The following NUP210 variants were observed in gnomAD, a reference collection of about 807,000 sequenced individuals.
NUP210 encodes the protein nucleoporin 210.
NUP210 carries 151 observed loss-of-function variants against 196.0 expected under a neutral mutation model. That is an observed-to-expected ratio of 0.77 (90% confidence interval 0.67 to 0.88). The LOEUF (loss-of-function observed/expected upper bound fraction) is 0.88. Among genes scored for constraint, NUP210 ranks in the 40% least tolerant of loss-of-function variants. The probability of loss-of-function intolerance (pLI) is 0.00; values close to 1 mark genes in which losing one functional copy is unlikely to be tolerated. For synonymous variants in NUP210, 1,070 were observed against 1,052.7 expected, an observed-to-expected ratio of 1.02 and a Z score of -0.32; for missense variants, 2,314 against 2,493.7, an observed-to-expected ratio of 0.93 and a Z score of 1.53.
At chr3:13,349,549 C>T (rs1697894166) in intron 20 of NUP210, among the ~76,000 whole-genome samples, 1 of 152,216 alleles carries the variant, frequency 6.6e-6, no homozygotes, top group Non-Finnish European at 1.5e-5. Flanking sequence ...ACTGGAGCTG[C>T]TGCCCCACTC....
At position 13,316,671 on chromosome 3, in the gene NUP210, T is replaced by G. The variant is rs1048637; in HGVS notation, c.*1010A>C. ...TTGGCCCAGGCCGGGCTCTAGGGCCTGCTGGGAAGCTGTCTGGGGCCCTGC... is the reference window on the plus strand; with the variant it reads ...TTGGCCCAGGCCGGGCTCTAGGGCCGGCTGGGAAGCTGTCTGGGGCCCTGC... On this transcript the variant is annotated 3_prime_UTR_variant, in exon 40 of 40. Coordinates refer to ENST00000254508, the MANE Select transcript of NUP210 (RefSeq NM_024923.4). The G allele has an allele frequency of 0.41, 62,161 of 152,242 alleles. 14,157 individuals carry two copies. The highest frequency in any genetic ancestry group is 0.66 in the East Asian group (3,421 of 5,160). The allele number at this position is 152,242 out of a possible 1,614,324, so 9.4% of individuals were successfully genotyped here.
intron 32 of NUP210, 25 bp from the exon 33 acceptor site, chr3:13,325,956 C>T: frequency 6.2e-7 from 1 of 1,612,210 alleles, no homozygotes; most frequent in Non-Finnish European, 8.5e-7. Context: ...CAGGTGTCAG[C>T]CCCCTTTCCA....
At chr3:13,360,242 G>A in intron 15 of NUP210, 28 bp downstream of exon 15, 8 of 1,584,416 alleles carry the variant, frequency 5.0e-6, no homozygotes, top group Non-Finnish European at 6.9e-6. Flanking sequence ...CTTAGGGCAA[G>A]GAGGGTCTGG....
rs769997288 is a variant in NUP210 at position 13,321,760 on chromosome 3, G to A, written c.4991C>T (p.Ala1664Val). ...QRKHLSMKKT[A>V]LVVSASLSSS... ...GGAGAGGGAGGCACTGACCACCAGA[G>A]CTGTCTTCTTCATGCTCAGGTGCTT... The change falls in exon 36 of 40, where the codon GCT (alanine) becomes GTT (valine). Residue 1664 changes from alanine to valine, a missense_variant. Physicochemically the swap from Ala to Val is moderately conservative, Grantham distance 64. Coordinates refer to ENST00000254508, the MANE Select transcript of NUP210 (RefSeq NM_024923.4). The A allele has an allele frequency of 8.7e-6, 14 of 1,613,294 alleles. No homozygotes were observed. The highest frequency in any genetic ancestry group is 1.2e-5 in the Non-Finnish European group (14 of 1,180,032).
chr3:13,367,218 C>T (rs1698569595), intron 13 of NUP210, among the ~76,000 whole-genome samples: 1 of 152,106 alleles, frequency 6.6e-6, no homozygotes, highest in Admixed American at 6.5e-5. Flanking sequence ...GGGAGGATCA[C>T]CTGAGGTCGG....
chr3:13,354,299 C>T, intron 16 of NUP210, 192 bp from the exon 17 acceptor site: 1 of 590,106 alleles, frequency 1.7e-6, no homozygotes. Context: ...TCCAAGCTGG[C>T]CTCTGGCTCC....
chr3:13,354,275 C>T (rs1008941125), intron 16 of NUP210, 168 bp from the exon 17 acceptor site: 6 of 620,944 alleles, frequency 9.7e-6, no homozygotes, highest in African/African-American at 7.4e-5. Flanking sequence ...CCACCAGGTC[C>T]CCCCATGGCC....
At chr3:13,358,902 T>A (rs1366471048) in intron 15 of NUP210, among the ~76,000 whole-genome samples, 1 of 152,194 alleles carries the variant, frequency 6.6e-6, no homozygotes, top group Non-Finnish European at 1.5e-5. Flanking sequence ...CGCCTGCTCA[T>A]GCTCTGCAGC....
intron 20 of NUP210, among the ~76,000 whole-genome samples, chr3:13,343,951 T>A (rs1167393150): frequency 1.3e-5 from 2 of 152,200 alleles, no homozygotes; most frequent in African/African-American, 4.8e-5. Flanking sequence ...TAGCTCTGTG[T>A]GAAGCAGTGA....
In NUP210 at chr3:13,358,197, C is replaced by A. The variant is rs771067222; in HGVS notation, c.2328+25G>T. On this transcript the variant is annotated intron_variant, in intron 16 of 39. Transcript: ENST00000254508. ...GCCCAAGCGGGTGGCACCCTCACCT[C>A]CTCCCGAGCATAGCCCACACTCACC... is the stretch of plus-strand genomic sequence containing the variant. 2.5e-6 allele frequency: 4 copies of A among 1,575,678 alleles called. No homozygotes were observed. The South Asian group carries it at 4.6e-5, about 18-fold the overall frequency.
chr3:13,339,513 G>A (rs990401572), intron 25 of NUP210, among the ~76,000 whole-genome samples: 2 of 152,240 alleles, frequency 1.3e-5, no homozygotes, highest in African/African-American at 2.4e-5. Context: ...GATTCAAGGA[G>A]ATGAAGGCAA....
At chr3:13,357,169 T>C (rs1440201745) in intron 16 of NUP210, among the ~76,000 whole-genome samples, 2 of 152,222 alleles carry the variant, frequency 1.3e-5, no homozygotes, top group Non-Finnish European at 2.9e-5. Flanking sequence ...GCACAGTGCA[T>C]TCGCTGGTTC....
At chr3:13,336,747 CA>C (rs1362585861) in intron 27 of NUP210, 39 bp downstream of exon 27, 1 of 1,599,906 alleles carries the variant, frequency 6.3e-7, no homozygotes, top group Non-Finnish European at 8.5e-7. Context: ...TGGCCTGGGA[CA>C]GGGGTGGGAG....
At position 13,371,845 on chromosome 3, in the gene NUP210, T is replaced by C; in HGVS notation, c.1775A>G (p.Gln592Arg). The change falls in exon 13 of 40, where the codon CAG becomes CGG. Residue 592 changes from glutamine to arginine, a missense_variant. Coordinates refer to ENST00000254508, the MANE Select transcript of NUP210 (RefSeq NM_024923.4). ...CAGCGCTGGTTTACCTGGGAGTGGC[T>C]GGAACACACCCTGGTTCTCCACCTC... ...AVEVENQGVF[Q>R]PLPGRLPPGS... 3 of 1,607,228 alleles carry C rather than the reference T, an allele frequency of 1.9e-6. No individual in the cohort carries two copies. The highest frequency in any genetic ancestry group is 2.2e-5 in the East Asian group (1 of 44,658).
chr3:13,340,769 G>A lies in NUP210; in HGVS notation c.3229-471C>T, dbSNP rs1334513758. On this transcript the variant is annotated intron_variant, in intron 23 of 39. Transcript: ENST00000254508. This position sits in a 1 kb window ranked among gnomAD's most constrained non-coding sequence, Gnocchi z 4.0. Reference sequence around the variant, plus strand: ...GGGAGCACCCAGACCCCCAGAGGTTGCTCTTCTAGCACACCCTCCGGATTA... The same window carrying A: ...GGGAGCACCCAGACCCCCAGAGGTTACTCTTCTAGCACACCCTCCGGATTA... Among the ~76,000 whole-genome samples, 2 of 152,098 alleles carry A rather than the reference G, an allele frequency of 1.3e-5. No homozygotes were observed. The highest frequency in any genetic ancestry group is 4.8e-5 in the African/African-American group (2 of 41,432).
At chr3:13,329,692 T>C (rs953239494) in intron 30 of NUP210, among the ~76,000 whole-genome samples, 5 of 152,190 alleles carry the variant, frequency 3.3e-5, no homozygotes, top group African/African-American at 1.2e-4. Flanking sequence ...TCTAAAGATT[T>C]AAGTGAGTGT....
At chr3:13,374,251 TTCAC>T (rs1698829164) in intron 11 of NUP210, among the ~76,000 whole-genome samples, 1 of 152,070 alleles carries the variant, frequency 6.6e-6, no homozygotes, top group Non-Finnish European at 1.5e-5. Flanking sequence ...CACTCACGCT[TTCAC>T]CCACTCACCA....
At chr3:13,392,460 G>A (rs1223814887) in intron 3 of NUP210, among the ~76,000 whole-genome samples, 1 of 152,218 alleles carries the variant, frequency 6.6e-6, no homozygotes, top group Non-Finnish European at 1.5e-5. Flanking sequence ...GCAGGATTTT[G>A]AGCAAATGAA....
chr3:13,407,830 T>G lies in NUP210; in HGVS notation c.168-7969A>C, dbSNP rs114530786. On this transcript the variant is annotated intron_variant, in intron 1 of 39. Coordinates refer to ENST00000254508, the MANE Select transcript of NUP210 (RefSeq NM_024923.4). ...CATAAATACTGGGCTATTAGTGATA[T>G]TTAAGGTAGTGTTCTAGGTGCCAAG... is the stretch of plus-strand genomic sequence containing the variant. Among the ~76,000 whole-genome samples, 477 of 152,336 alleles carry G rather than the reference T, an allele frequency of 3.1e-3. 4 individuals are homozygous for G. Among genetic ancestry groups the G allele is most frequent in the African/African-American group, 0.011 (466 of 41,570 alleles).
Sources: allele counts gnomAD v4.1 joint callset (sites outside exome capture counted in the v4.1 genomes callset), GRCh38; gene constraint gnomAD v4.1.1; non-coding constraint Gnocchi (gnomAD v3.1); transcripts MANE v1.5; gene names NCBI Gene and HGNC (gene_info 2026-07-23, HGNC 2026-07-21).